KDM2A: variants seen among roughly 807,000 people sequenced by gnomAD.
KDM2A encodes lysine demethylase 2A.
In KDM2A, 3 loss-of-function variants were observed where a neutral mutation model predicts 137.3. The observed-to-expected ratio is 0.02, with a 90% CI of 0.01 to 0.06. KDM2A has a LOEUF of 0.06. Among genes scored for constraint, KDM2A ranks in the 10% least tolerant of loss-of-function variants. The pLI is 1.00. For missense variants in KDM2A, 738 were observed against 1,510.6 expected, an observed-to-expected ratio of 0.49 and a Z score of 8.48; for synonymous variants, 512 against 541.5, an observed-to-expected ratio of 0.95 and a Z score of 0.76.
intron 11 of KDM2A, among the ~76,000 whole-genome samples, chr11:67,229,337 C>G (rs932009200): frequency 2.6e-5 from 4 of 152,274 alleles, no homozygotes; most frequent in Middle Eastern, 3.4e-3. Flanking sequence ...AGTTTATGCT[C>G]TTTATCTCTG....
intron 2 of KDM2A, among the ~76,000 whole-genome samples, chr11:67,152,924 GTGTGTGTGTGT>G (rs1856427829): frequency 1.4e-5 from 2 of 146,022 alleles, no homozygotes; most frequent in Non-Finnish European, 3.1e-5. Flanking sequence ...GTGTGTGTGT[GTGTGTGTGTGT>G]GTGTGTGTGT....
chr11:67,186,175 C>CA (rs1489575550), intron 5 of KDM2A, among the ~76,000 whole-genome samples: 1 of 152,026 alleles, frequency 6.6e-6, no homozygotes, highest in Non-Finnish European at 1.5e-5. Flanking sequence ...AAGATGAACT[C>CA]AGAGACCCTC....
At chr11:67,174,063 G>A (rs1381427135) in intron 2 of KDM2A, among the ~76,000 whole-genome samples, 2 of 152,170 alleles carry the variant, frequency 1.3e-5, no homozygotes, top group Admixed American at 6.5e-5. Context: ...TTCGAGACCA[G>A]CCTGGTCAGC....
intron 15 of KDM2A, among the ~76,000 whole-genome samples, chr11:67,247,269 T>C (rs1859278406): frequency 6.7e-6 from 1 of 148,902 alleles, no homozygotes; most frequent in African/African-American, 2.5e-5. Flanking sequence ...TTTGTGTTTT[T>C]AGTAGAGATG....
intron 2 of KDM2A, among the ~76,000 whole-genome samples, chr11:67,126,284 A>ATT (rs1170179982): frequency 6.6e-6 from 1 of 151,156 alleles, no homozygotes; most frequent in Non-Finnish European, 1.5e-5. Context: ...GTTTAAAAAA[A>ATT]TTGTCTTTTG....
At chr11:67,136,687 G>C (rs1855976021) in intron 2 of KDM2A, among the ~76,000 whole-genome samples, 1 of 152,192 alleles carries the variant, frequency 6.6e-6, no homozygotes, top group South Asian at 2.1e-4. Context: ...ATGTTCAGGG[G>C]TTCTGGGGAC....
chr11:67,238,422 CCT>C (rs1325127261), intron 12 of KDM2A, among the ~76,000 whole-genome samples: 2 of 152,114 alleles, frequency 1.3e-5, no homozygotes, highest in African/African-American at 4.8e-5. Flanking sequence ...TCCAAGAAGA[CCT>C]CTCAATAGCT....
At chr11:67,133,842 C>T (rs375651535) in intron 2 of KDM2A, among the ~76,000 whole-genome samples, 24 of 152,078 alleles carry the variant, frequency 1.6e-4, no homozygotes, top group Non-Finnish European at 1.5e-4. Flanking sequence ...TACAGCCCTG[C>T]GCCACCACAC....
At chr11:67,206,251 C>T (rs1246258208) in intron 5 of KDM2A, among the ~76,000 whole-genome samples, 16 of 152,088 alleles carry the variant, frequency 1.1e-4, no homozygotes, top group African/African-American at 3.6e-4. Flanking sequence ...GCCAACATGG[C>T]AAAACGCTGA....
intron 19 of KDM2A, 149 bp downstream of exon 19, chr11:67,253,760 A>C: frequency 2.5e-6 from 2 of 806,376 alleles, no homozygotes; most frequent in South Asian, 3.5e-5. Flanking sequence ...TGGACTGTGT[A>C]CAAGAATAGG....
chr11:67,147,966 C>G (rs1218544484), intron 2 of KDM2A, among the ~76,000 whole-genome samples: 5 of 152,002 alleles, frequency 3.3e-5, no homozygotes, highest in Non-Finnish European at 7.4e-5. Flanking sequence ...TGTGAGCTGC[C>G]ACGCCCGGCC....
chr11:67,208,690 G>GAA (rs1403672241), intron 6 of KDM2A, among the ~76,000 whole-genome samples: 1 of 150,138 alleles, frequency 6.7e-6, no homozygotes, highest in Non-Finnish European at 1.5e-5. Context: ...AGAATCGCTT[G>GAA]AACCTGGGAG....
chr11:67,133,655 G>A (rs997048488), intron 2 of KDM2A, among the ~76,000 whole-genome samples: 5 of 151,432 alleles, frequency 3.3e-5, no homozygotes, highest in Non-Finnish European at 7.4e-5. Flanking sequence ...TGCCCACCTC[G>A]GCCTCCCAAA....
chr11:67,179,868 A>G (rs1164478285), intron 2 of KDM2A, among the ~76,000 whole-genome samples: 2 of 152,240 alleles, frequency 1.3e-5, no homozygotes, highest in African/African-American at 4.8e-5. Flanking sequence ...GGTAAAATTC[A>G]TAGAGGACCC....
chr11:67,222,409 G>C (rs1858391266), intron 10 of KDM2A, among the ~76,000 whole-genome samples: 1 of 13,142 alleles, frequency 7.6e-5, no homozygotes, highest in African/African-American at 3.2e-4. Flanking sequence ...CAGATCAACA[G>C]GATCCCAAGG....
chr11:67,154,376 A>G (rs1422750645), intron 2 of KDM2A, among the ~76,000 whole-genome samples: 8 of 152,290 alleles, frequency 5.3e-5, no homozygotes, highest in African/African-American at 1.7e-4. Context: ...ATGTTTTGCA[A>G]TCATCACCTC....
At chr11:67,208,379 T>A (rs1857877642) in intron 6 of KDM2A, among the ~76,000 whole-genome samples, 1 of 151,718 alleles carries the variant, frequency 6.6e-6, no homozygotes, top group Non-Finnish European at 1.5e-5. Context: ...GGGCGTGAAA[T>A]CACTTAATTT....
intron 2 of KDM2A, among the ~76,000 whole-genome samples, chr11:67,161,739 C>G (rs982986414): frequency 2.0e-5 from 3 of 152,126 alleles, no homozygotes; most frequent in African/African-American, 7.2e-5. Flanking sequence ...GAAGTCAAAA[C>G]TATTTTCATA....
chr11:67,196,908 A>AAAG (rs377408006), intron 5 of KDM2A: 1 of 160,200 alleles, frequency 6.2e-6, no homozygotes, highest in African/African-American at 2.4e-5. Flanking sequence ...AAGTTGAAAA[A>AAAG]AAAATAGACT....
Sources: gnomAD v4.1 joint callset for allele counts (sites outside exome capture counted in the v4.1 genomes callset) on GRCh38, gnomAD v4.1.1 for gene constraint, MANE v1.5 for transcripts, NCBI Gene and HGNC (gene_info 2026-07-23, HGNC 2026-07-21) for gene names.